RABEP1: variants seen among roughly 807,000 people sequenced by gnomAD.
RABEP1 encodes the protein rab GTPase-binding effector protein 1.
Under a neutral mutation model 123.4 loss-of-function variants are expected in RABEP1, and 51 were observed. That is an observed-to-expected ratio of 0.41 (90% CI 0.33 to 0.52). The LOEUF is 0.52. RABEP1 is among the 20% of genes least tolerant of loss of function. The pLI, the probability that RABEP1 is intolerant of heterozygous loss-of-function variation, is 0.16. For missense variants in RABEP1, 888 were observed against 996.3 expected, an observed-to-expected ratio of 0.89 and a Z score of 1.46; for synonymous variants, 347 against 355.2, an observed-to-expected ratio of 0.98 and a Z score of 0.26.
intron 1 of RABEP1, among the ~76,000 whole-genome samples, chr17:5,308,111 G>T (rs1172448230): frequency 6.6e-6 from 1 of 152,094 alleles, no homozygotes; most frequent in African/African-American, 2.4e-5. Context: ...GTTGCACAAA[G>T]GCACTTTAGA....
At chr17:5,367,534 G>A (rs1310199164) in intron 11 of RABEP1, among the ~76,000 whole-genome samples, 2 of 151,702 alleles carry the variant, frequency 1.3e-5, no homozygotes, top group Admixed American at 6.6e-5. Context: ...CTCCCAAAGT[G>A]CTAGGATTAC....
intron 3 of RABEP1, among the ~76,000 whole-genome samples, chr17:5,334,468 G>A (rs1906865495): frequency 6.6e-6 from 1 of 152,130 alleles, no homozygotes; most frequent in South Asian, 2.1e-4. Context: ...CTGACCTCAG[G>A]TGATCCACCC....
chr17:5,306,128 A>G (rs1158492867), intron 1 of RABEP1, among the ~76,000 whole-genome samples: 1 of 152,198 alleles, frequency 6.6e-6, no homozygotes, highest in Non-Finnish European at 1.5e-5. Flanking sequence ...TAATATACCT[A>G]AGTTACGGAA....
intron 17 of RABEP1, chr17:5,381,763 A>T: frequency 3.1e-6 from 1 of 327,532 alleles, no homozygotes; most frequent in Non-Finnish European, 5.3e-6. Context: ...CATACCATGT[A>T]AGACTCTTCC....
intron 2 of RABEP1, among the ~76,000 whole-genome samples, chr17:5,329,818 C>CATATATATATATATAT (rs61446536): frequency 7.7e-4 from 110 of 143,084 alleles, no homozygotes; most frequent in African/African-American, 2.0e-3. Context: ...TATATATGTT[C>CATATATATATATATAT]ATATATATAT....
rs997915157 is a variant in RABEP1, at chr17:5,282,364, C to G, written c.-123C>G. On this transcript the variant is annotated 5_prime_UTR_variant, in exon 1 of 18. Transcript: ENST00000537505. Reference sequence around the variant, plus strand: ...GCGGCGCCGGCGGATCCAGCCTTAGCGGTTTCTCTCTGGGCGGCGGCGGCG... The same window carrying G: ...GCGGCGCCGGCGGATCCAGCCTTAGGGGTTTCTCTCTGGGCGGCGGCGGCG... 1 of 770,110 alleles carries G rather than the reference C, an allele frequency of 1.3e-6. No individual in the cohort carries two copies. The highest frequency in any genetic ancestry group is 1.8e-6 in the Non-Finnish European group (1 of 551,092). The allele number at this position is 770,110 out of a possible 1,614,324, so 47.7% of individuals were successfully genotyped here.
intron 5 of RABEP1, among the ~76,000 whole-genome samples, chr17:5,345,136 G>T (rs1046858994): frequency 6.6e-6 from 1 of 152,134 alleles, no homozygotes; most frequent in African/African-American, 2.4e-5. Flanking sequence ...GGTTGTAAGG[G>T]TTATAGAGAA....
chr17:5,372,816 T>G (rs901694686), intron 12 of RABEP1, among the ~76,000 whole-genome samples: 1 of 151,734 alleles, frequency 6.6e-6, no homozygotes, highest in African/African-American at 2.4e-5. Flanking sequence ...GGCGCAACGG[T>G]GCAATCTCGG....
At chr17:5,353,627 C>CGCTT (rs1395446293) in intron 7 of RABEP1, among the ~76,000 whole-genome samples, 1 of 151,946 alleles carries the variant, frequency 6.6e-6, no homozygotes, top group Non-Finnish European at 1.5e-5. Context: ...GTGGGAGGAT[C>CGCTT]GCTTGAGCCT....
chr17:5,336,798 A>G (rs908179076), intron 4 of RABEP1: 3 of 170,004 alleles, frequency 1.8e-5, no homozygotes, highest in African/African-American at 7.2e-5. Context: ...TCTTTTCCAA[A>G]TAGTATTTAA....
At chr17:5,287,420 G>A (rs1192979291) in intron 1 of RABEP1, among the ~76,000 whole-genome samples, 1 of 151,662 alleles carries the variant, frequency 6.6e-6, no homozygotes, top group Non-Finnish European at 1.5e-5. Flanking sequence ...CCAACATGGT[G>A]AAACCCAATC....
chr17:5,346,603 T>C (rs1377059296), intron 5 of RABEP1, among the ~76,000 whole-genome samples, 187 bp from the exon 6 acceptor site: 1 of 152,214 alleles, frequency 6.6e-6, no homozygotes, highest in Non-Finnish European at 1.5e-5. Context: ...ATGGATAACA[T>C]CTATTAAGTT....
At chr17:5,282,777 TGGGTAGCGTG>T (rs2074940018) in intron 1 of RABEP1, among the ~76,000 whole-genome samples, 3 of 147,564 alleles carry the variant, frequency 2.0e-5, no homozygotes. Context: ...GGGAGGCTGC[TGGGTAGCGTG>T]GGGTAGTGTG....
chr17:5,306,695 AG>A, intron 1 of RABEP1, among the ~76,000 whole-genome samples: 1 of 152,096 alleles, frequency 6.6e-6, no homozygotes, highest in South Asian at 2.1e-4. Context: ...GAACTGAGTC[AG>A]AATCATGAGG....
At position 5,282,318 on chromosome 17, in the gene RABEP1, C is replaced by T. The variant is rs918676349; in HGVS notation, c.-169C>T. 4.4e-6 allele frequency: 2 copies of T among 450,284 alleles called. No individual in the cohort carries two copies. Among genetic ancestry groups the T allele is most frequent in the African/African-American group, 2.0e-5 (1 of 49,234 alleles). 27.9% of individuals were successfully genotyped at this position (450,284 alleles called of 1,614,324 possible). ...AGGAGGCGGAGGTCGGCGGTCGGGT[C>T]CGTCTCTGCCCGCGGCTGTGGCGGC... On this transcript the variant is annotated 5_prime_UTR_variant, in exon 1 of 18. Coordinates refer to ENST00000537505, the MANE Select transcript of RABEP1 (RefSeq NM_004703.6).
chr17:5,372,599 C>T (rs551196065), intron 12 of RABEP1, among the ~76,000 whole-genome samples: 1 of 152,224 alleles, frequency 6.6e-6, no homozygotes, highest in Non-Finnish European at 1.5e-5. Flanking sequence ...AGACACTACT[C>T]TGTTTCTCCC....
chr17:5,367,661 A>G (rs568226626), intron 11 of RABEP1, among the ~76,000 whole-genome samples: 3 of 151,268 alleles, frequency 2.0e-5, no homozygotes, highest in South Asian at 2.2e-4. Context: ...CTCTGTGTAG[A>G]TTAGTTTCAG....
chr17:5,326,394 G>A (rs1180016435), intron 2 of RABEP1, among the ~76,000 whole-genome samples: 1 of 152,086 alleles, frequency 6.6e-6, no homozygotes, highest in Non-Finnish European at 1.5e-5. Context: ...ATTTGAAAAG[G>A]CCATATACTG....
intron 4 of RABEP1, chr17:5,336,453 A>C: frequency 2.1e-6 from 1 of 469,764 alleles, no homozygotes; most frequent in South Asian, 1.6e-5. Flanking sequence ...AGATTGCATT[A>C]GTTTTTACCT....
Sources: allele counts gnomAD v4.1 joint callset (sites outside exome capture counted in the v4.1 genomes callset), GRCh38; gene constraint gnomAD v4.1.1; transcripts MANE v1.5; gene names NCBI Gene and HGNC (gene_info 2026-07-23, HGNC 2026-07-21).